C12orf56: variants seen among roughly 807,000 people sequenced by gnomAD.
The protein encoded by C12orf56 is chromosome 12 open reading frame 56.
Under a neutral mutation model 69.9 loss-of-function variants are expected in C12orf56, and 71 were observed. The observed-to-expected ratio is 1.02, with a 90% CI of 0.84 to 1.24. The LOEUF (loss-of-function observed/expected upper bound fraction) is 1.24. Ranked by LOEUF, C12orf56 falls within the 50% of genes most tolerant of loss-of-function variation. C12orf56 has a pLI of 0.00. For missense variants in C12orf56, 732 were observed against 738.5 expected (o/e 0.99, Z 0.10); for synonymous variants, 276 against 274.1 (o/e 1.01, Z -0.07).
At chr12:64,348,384 A>T (rs2039176063) in intron 2 of C12orf56, among the ~76,000 whole-genome samples, 1 of 152,222 alleles carries the variant, frequency 6.6e-6, no homozygotes, top group South Asian at 2.1e-4. Flanking sequence ...TCTTCAGCAA[A>T]ATTTATAAAG....
chr12:64,325,372 A>AAGAAG (rs1555189852), intron 3 of C12orf56, among the ~76,000 whole-genome samples: 5,206 of 141,406 alleles, frequency 0.037, 324 homozygotes, highest in African/African-American at 0.13. Context: ...AAAAAAAAAA[A>AAGAAG]AAGAAGAAGA....
intron 1 of C12orf56, among the ~76,000 whole-genome samples, chr12:64,372,790 C>T (rs1194027440): frequency 6.6e-6 from 1 of 152,196 alleles, no homozygotes; most frequent in South Asian, 2.1e-4. Flanking sequence ...GCTGGGATTA[C>T]AGGCATGAGC....
chr12:64,273,451 C>T (rs974346404), intron 11 of C12orf56, among the ~76,000 whole-genome samples: 2 of 152,158 alleles, frequency 1.3e-5, no homozygotes, highest in African/African-American at 4.8e-5. Flanking sequence ...GGGATAAAGC[C>T]TCTACTACAA....
chr12:64,360,951 G>A (rs1298544141), intron 1 of C12orf56, among the ~76,000 whole-genome samples: 1 of 152,156 alleles, frequency 6.6e-6, no homozygotes. Flanking sequence ...GACAGATGTG[G>A]TGTCATGCCT....
At chr12:64,335,017 T>G (rs958059293) in intron 2 of C12orf56, among the ~76,000 whole-genome samples, 3 of 152,146 alleles carry the variant, frequency 2.0e-5, no homozygotes, top group African/African-American at 7.2e-5. Flanking sequence ...TAGACATGAT[T>G]AGACAAGATA....
At chr12:64,267,590 G>A in intron 12 of C12orf56, 1 of 321,462 alleles carries the variant, frequency 3.1e-6, no homozygotes, top group Non-Finnish European at 5.7e-6. Context: ...AATGCGCAGT[G>A]AGGTGTTGAA....
chr12:64,351,636 C>T (rs536400839), intron 2 of C12orf56, among the ~76,000 whole-genome samples: 4 of 151,994 alleles, frequency 2.6e-5, no homozygotes, highest in South Asian at 2.1e-4. Flanking sequence ...CAGTGAAAGC[C>T]GCTTTGATAC....
At chr12:64,348,436 T>C (rs569298615) in intron 2 of C12orf56, among the ~76,000 whole-genome samples, 1 of 152,358 alleles carries the variant, frequency 6.6e-6, no homozygotes, top group East Asian at 1.9e-4. Context: ...GTCCAAGTCA[T>C]CATTTTGGCA....
chr12:64,343,386 G>T (rs533803296), intron 2 of C12orf56, among the ~76,000 whole-genome samples: 2 of 152,172 alleles, frequency 1.3e-5, no homozygotes, highest in Admixed American at 6.5e-5. Context: ...AGCGATCAAG[G>T]TCTCTCTGAA....
intron 6 of C12orf56, among the ~76,000 whole-genome samples, chr12:64,294,420 A>G (rs560320152): frequency 6.6e-6 from 1 of 152,310 alleles, no homozygotes; most frequent in African/African-American, 2.4e-5. Flanking sequence ...AACATCTAAA[A>G]CATGGAAGCA....
At chr12:64,301,820 A>G (rs1405721244) in intron 6 of C12orf56, among the ~76,000 whole-genome samples, 1 of 152,122 alleles carries the variant, frequency 6.6e-6, no homozygotes, top group Non-Finnish European at 1.5e-5. Context: ...TAAATTACCC[A>G]GTCTCAGGTA....
At position 64,312,697 on chromosome 12, in the gene C12orf56, C is replaced by A; in HGVS notation, c.950G>T (p.Gly317Val). The A allele has an allele frequency of 6.5e-7, 1 of 1,536,106 alleles. No homozygotes were observed. The highest frequency in any genetic ancestry group is 1.2e-5 in the South Asian group (1 of 84,040). Residue 317 changes from glycine to valine, a missense_variant, in exon 5 of 13, where the codon GGA becomes GTA. Transcript: ENST00000543942. ...FYASEFSPAI[G>V]SQKPYRSEEK... The stretch of plus-strand genomic sequence containing the variant: ...TTCTTACCTATATGGCTTTTGACTT[C>A]CAATAGCAGGACTGAACTCACTAGC...
chr12:64,337,502 G>T (rs923179193), intron 2 of C12orf56, among the ~76,000 whole-genome samples: 7 of 152,172 alleles, frequency 4.6e-5, no homozygotes, highest in Non-Finnish European at 1.0e-4. Context: ...ATTTTAACCT[G>T]AAGGTGCTTG....
intron 1 of C12orf56, among the ~76,000 whole-genome samples, chr12:64,382,402 C>T (rs544200325): frequency 6.7e-4 from 102 of 151,920 alleles, no homozygotes; most frequent in African/African-American, 2.0e-3. Flanking sequence ...GAAAAAGGGA[C>T]GATATCAATC....
intron 1 of C12orf56, among the ~76,000 whole-genome samples, chr12:64,353,940 C>G (rs1472259181): frequency 6.6e-6 from 1 of 152,238 alleles, no homozygotes; most frequent in African/African-American, 2.4e-5. Context: ...CTCGGCCTCC[C>G]AAAGTGCTGG....
intron 3 of C12orf56, among the ~76,000 whole-genome samples, chr12:64,328,425 A>C (rs1230389898): frequency 6.6e-6 from 1 of 151,990 alleles, no homozygotes; most frequent in Non-Finnish European, 1.5e-5. Flanking sequence ...TCATGCCTGT[A>C]ATCCAAGCAC....
intron 2 of C12orf56, among the ~76,000 whole-genome samples, chr12:64,331,565 G>A (rs924527145): frequency 6.6e-6 from 1 of 151,970 alleles, no homozygotes; most frequent in African/African-American, 2.4e-5. Flanking sequence ...AAGTCACTAG[G>A]GCTCTGCCCT....
chr12:64,303,837 G>A, intron 5 of C12orf56, 58 bp from the exon 6 acceptor site: 2 of 1,493,180 alleles, frequency 1.3e-6, no homozygotes, highest in South Asian at 1.3e-5. Flanking sequence ...AGCAGTTTAG[G>A]AATATCAATG....
chr12:64,374,510 A>G (rs1376134149), intron 1 of C12orf56, among the ~76,000 whole-genome samples: 1 of 152,098 alleles, frequency 6.6e-6, no homozygotes, highest in African/African-American at 2.4e-5. Flanking sequence ...AATTTATCTT[A>G]CTTTTATCAA....
Sources: allele counts gnomAD v4.1 joint callset (sites outside exome capture counted in the v4.1 genomes callset), GRCh38; gene constraint gnomAD v4.1.1; transcripts MANE v1.5; gene names NCBI Gene and HGNC (gene_info 2026-07-23, HGNC 2026-07-21).